The following NXPE2 variants were observed in gnomAD, a reference collection of about 807,000 sequenced individuals.
NXPE2 encodes NXPE family member 2.
Under a neutral mutation model 34.4 loss-of-function variants are expected in NXPE2, and 34 were observed. The ratio of observed to expected loss-of-function variants is 0.99; its 90% CI spans 0.75 to 1.31. The LOEUF (loss-of-function observed/expected upper bound fraction) is 1.31. Ranked by LOEUF, NXPE2 falls within the 40% of genes most tolerant of loss-of-function variation. The pLI is 0.00. For synonymous variants in NXPE2, 235 were observed against 231.3 expected, an observed-to-expected ratio of 1.02 and a Z score of -0.15; for missense variants, 649 against 672.5, an observed-to-expected ratio of 0.97 and a Z score of 0.39.
chr11:114,796,416 G>T, the NXPE2 span, among the ~76,000 whole-genome samples: 1 of 152,056 alleles, frequency 6.6e-6, no homozygotes, highest in Non-Finnish European at 1.5e-5. Context: ...AAACCTTGGA[G>T]CTTAGAAACT....
At chr11:114,630,504 C>T in the NXPE2 span, among the ~76,000 whole-genome samples, 1 of 151,514 alleles carries the variant, frequency 6.6e-6, no homozygotes, top group African/African-American at 2.4e-5. Flanking sequence ...CTTCCTTACA[C>T]CTTATACAAA....
chr11:114,664,086 A>T, the NXPE2 span, among the ~76,000 whole-genome samples: 2 of 152,206 alleles, frequency 1.3e-5, no homozygotes, highest in Non-Finnish European at 2.9e-5. Context: ...TTATTTATAG[A>T]GGTTTTATTC....
At chr11:114,511,584 A>C in the NXPE2 span, among the ~76,000 whole-genome samples, 1 of 152,216 alleles carries the variant, frequency 6.6e-6, no homozygotes, top group Admixed American at 6.5e-5. Context: ...AACAAGATAC[A>C]TAAGCATGAT....
chr11:114,673,091 T>C, the NXPE2 span, among the ~76,000 whole-genome samples: 1 of 148,306 alleles, frequency 6.7e-6, no homozygotes, highest in Non-Finnish European at 1.5e-5. Flanking sequence ...ATATAACATA[T>C]ATAGTATATA....
the NXPE2 span, among the ~76,000 whole-genome samples, chr11:114,576,572 G>T: frequency 3.3e-5 from 5 of 151,896 alleles, no homozygotes; most frequent in African/African-American, 9.7e-5. Flanking sequence ...AAGATATACA[G>T]ATGGTGAACA....
At chr11:114,770,068 G>A in the NXPE2 span, among the ~76,000 whole-genome samples, 5 of 152,186 alleles carry the variant, frequency 3.3e-5, no homozygotes, top group Non-Finnish European at 5.9e-5. Context: ...ACTCACTTGG[G>A]CTATAGCATA....
At chr11:114,632,987 T>G in the NXPE2 span, among the ~76,000 whole-genome samples, 1 of 104,274 alleles carries the variant, frequency 9.6e-6, no homozygotes, top group African/African-American at 4.0e-5. Flanking sequence ...TATATATTTT[T>G]ATATAATATA....
chr11:114,722,706 G>A, the NXPE2 span, among the ~76,000 whole-genome samples: 1 of 152,146 alleles, frequency 6.6e-6, no homozygotes, highest in East Asian at 1.9e-4. Flanking sequence ...TGCTGCATAT[G>A]AGCACTGCTA....
chr11:114,530,557 C>G, the NXPE2 span: 1 of 1,613,870 alleles, frequency 6.2e-7, no homozygotes, highest in Non-Finnish European at 8.5e-7. Flanking sequence ...CCTGAAGCAC[C>G]TGCCGTCAGT....
downstream of NXPE2, among the ~76,000 whole-genome samples, chr11:114,709,794 C>T (rs1055298379): frequency 1.1e-4 from 17 of 151,874 alleles, no homozygotes; most frequent in African/African-American, 3.1e-4. Flanking sequence ...CCCAGCTACT[C>T]GGGAGGCTGA....
chr11:114,693,557 G>A (rs1416381312), intron 2 of NXPE2, among the ~76,000 whole-genome samples: 1 of 152,208 alleles, frequency 6.6e-6, no homozygotes, highest in Admixed American at 6.5e-5. Context: ...GAACTGAACA[G>A]ACCTGTAACC....
At chr11:114,503,099 A>G in the NXPE2 span, among the ~76,000 whole-genome samples, 13 of 150,022 alleles carry the variant, frequency 8.7e-5, no homozygotes, top group Middle Eastern at 3.4e-3. Flanking sequence ...TTTTTTTTTC[A>G]TAAGAAATTG....
the NXPE2 span, among the ~76,000 whole-genome samples, chr11:114,719,249 T>A: frequency 1.3e-5 from 2 of 151,918 alleles, no homozygotes. Flanking sequence ...TCCTTTTACC[T>A]CCCTCCCAAT....
chr11:114,761,646 T>C, the NXPE2 span, among the ~76,000 whole-genome samples: 3 of 140,898 alleles, frequency 2.1e-5, no homozygotes, highest in Non-Finnish European at 4.5e-5. Context: ...CAATCTCGGC[T>C]CACTACAAGC....
At chr11:114,780,849 T>C in the NXPE2 span, among the ~76,000 whole-genome samples, 1 of 152,130 alleles carries the variant, frequency 6.6e-6, no homozygotes, top group Non-Finnish European at 1.5e-5. Context: ...GTGGCAGTAC[T>C]AGTGTGTTTG....
the NXPE2 span, among the ~76,000 whole-genome samples, chr11:114,639,510 A>G: frequency 1.3e-5 from 2 of 151,360 alleles, no homozygotes; most frequent in African/African-American, 4.9e-5. Context: ...CCCTAGTGAG[A>G]TGAACCTGGT....
chr11:114,600,934 C>G, the NXPE2 span, among the ~76,000 whole-genome samples: 1 of 151,886 alleles, frequency 6.6e-6, no homozygotes, highest in South Asian at 2.1e-4. Flanking sequence ...TATAGTTCTC[C>G]ATGAAATGAT....
the NXPE2 span, among the ~76,000 whole-genome samples, chr11:114,727,943 G>T: frequency 1.1e-4 from 17 of 151,926 alleles, no homozygotes. Context: ...GTTTTAGGTC[G>T]AAAGTAAAAA....
the NXPE2 span, among the ~76,000 whole-genome samples, chr11:114,569,531 T>C: frequency 6.6e-6 from 1 of 152,150 alleles, no homozygotes; most frequent in South Asian, 2.1e-4. Flanking sequence ...TTGGAACTGG[T>C]ACTCTGCCCC....
Sources: gnomAD v4.1 joint callset for allele counts (sites outside exome capture counted in the v4.1 genomes callset) on GRCh38, gnomAD v4.1.1 for gene constraint, MANE v1.5 for transcripts, NCBI Gene and HGNC (gene_info 2026-07-23, HGNC 2026-07-21) for gene names.